Variants in UNC93A observed in about 807,000 individuals in gnomAD.
The protein encoded by UNC93A is unc-93 homolog A.
A neutral mutation model predicts 47.5 loss-of-function variants in UNC93A; 43 were observed. The ratio of observed to expected loss-of-function variants is 0.91; its 90% CI spans 0.71 to 1.17. UNC93A has a LOEUF of 1.17. Among genes scored for constraint, UNC93A ranks in the 50% most tolerant of loss-of-function variants. UNC93A has a pLI of 0.00. For missense variants in UNC93A, 605 were observed against 577.6 expected, an observed-to-expected ratio of 1.05 and a Z score of -0.49; for synonymous variants, 280 against 258.0, an observed-to-expected ratio of 1.09 and a Z score of -0.82.
chr6:167,306,424 G>A (rs138975886), intron 6 of UNC93A, among the ~76,000 whole-genome samples: 2 of 152,294 alleles, frequency 1.3e-5, no homozygotes, highest in Non-Finnish European at 2.9e-5. Context: ...GCTGGGGTTG[G>A]GGCAGCTCTG....
chr6:167,304,051 G>A lies in UNC93A; in HGVS notation c.758G>A (p.Arg253Lys). Residue 253 changes from arginine to lysine, a missense_variant, in exon 5 of 8, where the codon AGA becomes AAA. By Grantham distance (26) the Arg-to-Lys change is conservative. Coordinates refer to ENST00000230256, the MANE Select transcript of UNC93A (RefSeq NM_018974.4). ...TTACTGTCGACTTTCAAGCTATATA[G>A]AGATAAACGTCTGTGCCTCTTAATT... Reference protein sequence around the residue: ...STLLSTFKLYRDKRLCLLILL... With the variant: ...STLLSTFKLYKDKRLCLLILL... 1 of 1,614,004 alleles carries A rather than the reference G, an allele frequency of 6.2e-7. No individual in the cohort carries two copies. Among genetic ancestry groups the A allele is most frequent in the South Asian group, 1.1e-5 (1 of 91,066 alleles).
intron 5 of UNC93A, among the ~76,000 whole-genome samples, chr6:167,305,554 C>A (rs1435058902): frequency 1.3e-5 from 2 of 151,438 alleles, no homozygotes; most frequent in Non-Finnish European, 2.9e-5. Flanking sequence ...CTCTTTCTCT[C>A]TCTGTTTTTT....
intron 1 of UNC93A, among the ~76,000 whole-genome samples, chr6:167,278,861 T>C (rs1038873424): frequency 6.6e-6 from 1 of 152,180 alleles, no homozygotes; most frequent in African/African-American, 2.4e-5. Context: ...TACAGAATCA[T>C]CTACACGGAT....
intron 1 of UNC93A, among the ~76,000 whole-genome samples, chr6:167,276,477 T>C (rs535415142): frequency 6.6e-5 from 10 of 152,222 alleles, no homozygotes; most frequent in African/African-American, 9.7e-5. Flanking sequence ...AATAGTTTTA[T>C]GAATTTCTAA....
intron 7 of UNC93A, among the ~76,000 whole-genome samples, chr6:167,314,389 C>T (rs899903795): frequency 6.6e-6 from 1 of 152,136 alleles, no homozygotes; most frequent in Admixed American, 6.5e-5. Flanking sequence ...AAGGTCACCG[C>T]ACACCCTGCC....
chr6:167,280,287 G>A (rs1052637510), intron 1 of UNC93A, among the ~76,000 whole-genome samples: 1 of 152,206 alleles, frequency 6.6e-6, no homozygotes, highest in African/African-American at 2.4e-5. Flanking sequence ...CCTTTGTAGA[G>A]GCTGGGGGAG....
upstream of UNC93A, among the ~76,000 whole-genome samples, chr6:167,286,556 T>C (rs1025163365): frequency 1.3e-5 from 2 of 152,304 alleles, no homozygotes; most frequent in East Asian, 3.9e-4. Context: ...AAAGTTCAAA[T>C]TGTATGGATG....
intron 4 of UNC93A, among the ~76,000 whole-genome samples, chr6:167,303,400 C>T (rs1324482658): frequency 6.6e-6 from 1 of 152,090 alleles, no homozygotes; most frequent in Non-Finnish European, 1.5e-5. Flanking sequence ...TCTTCAAATG[C>T]ACAACATTCT....
intron 1 of UNC93A, among the ~76,000 whole-genome samples, chr6:167,286,179 G>T (rs950837046): frequency 1.2e-4 from 18 of 151,630 alleles, no homozygotes; most frequent in African/African-American, 4.4e-4. Flanking sequence ...TTCAATGCTT[G>T]TCTTTATAAG....
intron 7 of UNC93A, 145 bp from the exon 8 acceptor site, chr6:167,315,042 G>A: frequency 8.2e-7 from 1 of 1,214,796 alleles, no homozygotes. Flanking sequence ...CTATCATCTG[G>A]CATGTAAAAT....
Position 167,306,019 on chromosome 6 carries a change from G to A in UNC93A, c.945G>A (p.Gln315=). 6.2e-7 allele frequency: 1 copy of A among 1,614,226 alleles called. No individual in the cohort carries two copies. The highest frequency in any genetic ancestry group is 8.5e-7 in the Non-Finnish European group (1 of 1,180,052). ...CCGTGTTGTATGGAAAGGTCTCGCA[G>A]TACACGGGCAGGGCTGTGCTGTACG... ...LCSVLYGKVS[Q]YTGRAVLYVL... is the part of the protein sequence containing the mutation. Residue 315 remains glutamine (Q), a synonymous_variant, in exon 6 of 8, where the codon CAG becomes CAA. Transcript: ENST00000230256.
intron 5 of UNC93A, 31 bp downstream of exon 5, chr6:167,304,164 G>T: frequency 6.2e-7 from 1 of 1,611,020 alleles, no homozygotes; most frequent in South Asian, 1.1e-5. Flanking sequence ...CGGTGGCTCA[G>T]GCCATGCGTG....
intron 4 of UNC93A, 38 bp from the exon 5 acceptor site, chr6:167,303,881 C>A (rs774617960): frequency 2.2e-5 from 35 of 1,605,006 alleles, no homozygotes; most frequent in Non-Finnish European, 2.6e-5. Flanking sequence ...TGCCTCTGGG[C>A]CCCCATGAAA....
At chr6:167,275,848 T>C (rs965768209) in intron 1 of UNC93A, among the ~76,000 whole-genome samples, 3 of 152,148 alleles carry the variant, frequency 2.0e-5, no homozygotes, top group Admixed American at 6.5e-5. Context: ...CTCTCTCAGA[T>C]TGGTGAAAGT....
At chr6:167,312,053 G>T (rs149202722) in intron 7 of UNC93A, among the ~76,000 whole-genome samples, 3,037 of 151,732 alleles carry the variant, frequency 0.02, 7 homozygotes, top group African/African-American at 0.067. Flanking sequence ...TCTTCTGGCT[G>T]CTCTGTGACA....
At chr6:167,311,827 A>G (rs1281377079) in intron 7 of UNC93A, among the ~76,000 whole-genome samples, 4 of 152,292 alleles carry the variant, frequency 2.6e-5, no homozygotes, top group African/African-American at 9.6e-5. Context: ...CAACCTATAG[A>G]TCCAATGCAT....
chr6:167,300,710 A>G (rs1778219095), intron 4 of UNC93A, among the ~76,000 whole-genome samples: 1 of 152,132 alleles, frequency 6.6e-6, no homozygotes, highest in Non-Finnish European at 1.5e-5. Flanking sequence ...CCCAGGGACC[A>G]GCCAGGCCTG....
intron 4 of UNC93A, among the ~76,000 whole-genome samples, chr6:167,299,220 A>C (rs1459572041): frequency 7.2e-6 from 1 of 139,546 alleles, no homozygotes; most frequent in Non-Finnish European, 1.5e-5. Context: ...ATATATATAT[A>C]TTCTTTGTCA....
intron 1 of UNC93A, among the ~76,000 whole-genome samples, chr6:167,283,228 G>A (rs1045678657): frequency 2.0e-5 from 3 of 152,094 alleles, no homozygotes; most frequent in Non-Finnish European, 4.4e-5. Context: ...AAAATATTTC[G>A]ATTTCTTTCA....
Sources: gnomAD v4.1 joint callset for allele counts (sites outside exome capture counted in the v4.1 genomes callset) on GRCh38, gnomAD v4.1.1 for gene constraint, MANE v1.5 for transcripts, NCBI Gene and HGNC (gene_info 2026-07-23, HGNC 2026-07-21) for gene names.